BABAM2: variants seen among roughly 807,000 people sequenced by gnomAD.
BABAM2 encodes BRISC and BRCA1 A complex member 2, also known as BRISC and BRCA1-A complex member 2.
Under a neutral mutation model 54.7 loss-of-function variants are expected in BABAM2, and 31 were observed. The observed-to-expected ratio is 0.57, with a 90% confidence interval of 0.43 to 0.77. The LOEUF is 0.77. BABAM2 is among the 30% of genes least tolerant of loss of function. The pLI, the probability that BABAM2 is intolerant of heterozygous loss-of-function variation, is 0.00. For missense variants in BABAM2, 364 were observed against 455.8 expected (o/e 0.80, Z 1.83); for synonymous variants, 167 against 162.9 (o/e 1.03, Z -0.19).
intron 7 of BABAM2, among the ~76,000 whole-genome samples, chr2:28,216,190 G>C (rs1679903538): frequency 6.6e-6 from 1 of 152,040 alleles, no homozygotes; most frequent in Non-Finnish European, 1.5e-5. Flanking sequence ...TATTTTAAAA[G>C]AACTTATTTC....
chr2:28,127,477 T>C (rs1055766486), intron 6 of BABAM2, among the ~76,000 whole-genome samples: 2 of 152,032 alleles, frequency 1.3e-5, no homozygotes, highest in African/African-American at 4.8e-5. Flanking sequence ...TGTGTAGATA[T>C]CTCTTCCAAG....
chr2:28,064,903 C>T lies in BABAM2; in HGVS notation c.570+19104C>T, dbSNP rs554105427. On this transcript the variant is annotated intron_variant, in intron 6 of 11. Coordinates refer to ENST00000379624, the MANE Select transcript of BABAM2 (RefSeq NM_199191.3). Reference sequence around the variant, plus strand: ...CTGTAATCCCAGCTACTCGGGAGGCCGAGGCAGGAGAAATGCTTGAACCTG... The same window carrying T: ...CTGTAATCCCAGCTACTCGGGAGGCTGAGGCAGGAGAAATGCTTGAACCTG... Among the ~76,000 whole-genome samples the T allele has an allele frequency of 5.3e-5, 8 of 151,256 alleles. No individual in the cohort carries two copies. In the East Asian group the frequency reaches 1.6e-3, roughly 29 times the overall value.
intron 7 of BABAM2, among the ~76,000 whole-genome samples, chr2:28,157,103 T>C (rs1672615461): frequency 6.6e-6 from 1 of 152,244 alleles, no homozygotes; most frequent in South Asian, 2.1e-4. Context: ...AATTTCCCAG[T>C]TATTTACCTG....
At chr2:27,956,902 A>T (rs547428691) in intron 3 of BABAM2, among the ~76,000 whole-genome samples, 1 of 152,348 alleles carries the variant, frequency 6.6e-6, no homozygotes, top group East Asian at 1.9e-4. Flanking sequence ...AGCAAAAGAT[A>T]AATTTAATTT....
At chr2:28,298,515 C>T (rs770098555) in intron 11 of BABAM2, 24 bp downstream of exon 11, 1 of 1,613,834 alleles carries the variant, frequency 6.2e-7, no homozygotes, top group Non-Finnish European at 8.5e-7. Flanking sequence ...TCGTTATTTC[C>T]AACAGGTAAG....
At chr2:28,258,932 A>T (rs1462288202) in intron 10 of BABAM2, among the ~76,000 whole-genome samples, 3 of 149,404 alleles carry the variant, frequency 2.0e-5, no homozygotes, top group Admixed American at 6.7e-5. Flanking sequence ...ACACGCCACC[A>T]CCCCCAGCTA....
intron 9 of BABAM2, among the ~76,000 whole-genome samples, chr2:28,244,090 G>A (rs1346361322): frequency 6.6e-6 from 1 of 152,102 alleles, no homozygotes; most frequent in Non-Finnish European, 1.5e-5. Flanking sequence ...AGAGGTCAGG[G>A]GATGTTTTCT....
Position 28,304,483 on chromosome 2 carries a change from A to AT in BABAM2, c.1088+5997dup, listed in dbSNP as rs1688356711. 1.3e-5 allele frequency among the ~76,000 whole-genome samples: 2 copies of AT among 151,654 alleles called. No homozygotes were observed. The highest frequency in any genetic ancestry group is 4.8e-5 in the African/African-American group (2 of 41,382). On this transcript the variant is annotated intron_variant, in intron 11 of 11. Transcript: ENST00000379624. The surrounding 1 kb of genome is among the most constrained non-coding windows in gnomAD (Gnocchi z 4.0). ...TTGCTGGTATACAGGAATACAAATGATTTTTCTATACTGACATGGCATCCT... is the reference window on the plus strand; with the variant it reads ...TTGCTGGTATACAGGAATACAAATGATTTTTTCTATACTGACATGGCATCCT...
intron 4 of BABAM2, among the ~76,000 whole-genome samples, chr2:28,022,422 A>G (rs1675340890): frequency 6.6e-6 from 1 of 152,218 alleles, no homozygotes; most frequent in African/African-American, 2.4e-5. Context: ...ACTAGTCTTT[A>G]AAAAGAATTG....
intron 2 of BABAM2, among the ~76,000 whole-genome samples, chr2:27,919,109 T>C (rs1224297188): frequency 6.6e-6 from 1 of 152,230 alleles, no homozygotes; most frequent in Non-Finnish European, 1.5e-5. Context: ...AACATTTATT[T>C]CTATATATTT....
intron 6 of BABAM2, among the ~76,000 whole-genome samples, chr2:28,096,519 T>C (rs1666639822): frequency 6.6e-6 from 1 of 151,980 alleles, no homozygotes; most frequent in Non-Finnish European, 1.5e-5. Flanking sequence ...TTGAAGCAAA[T>C]AATTACCAAA....
chr2:27,945,885 A>G (rs1014201147), intron 3 of BABAM2, among the ~76,000 whole-genome samples: 7 of 151,566 alleles, frequency 4.6e-5, no homozygotes, highest in African/African-American at 1.2e-4. Flanking sequence ...TGATGCTGCT[A>G]TGTCCCTAAA....
In BABAM2 at chr2:28,087,850, A is replaced by G. The variant is rs867962080; in HGVS notation, c.571-41421A>G. ...TTTTTAGTAGAGACAGGGTTTCACC[A>G]TGTTGGCCAGGCTGGTCTCAAACTT... On this transcript the variant is annotated intron_variant, in intron 6 of 11. Coordinates refer to ENST00000379624, the MANE Select transcript of BABAM2 (RefSeq NM_199191.3). 3.7e-4 allele frequency among the ~76,000 whole-genome samples: 56 copies of G among 152,092 alleles called. No homozygotes were observed. The Middle Eastern group carries it at 0.01, about 28-fold the overall frequency.
At chr2:27,983,435 A>G (rs1443363731) in intron 3 of BABAM2, among the ~76,000 whole-genome samples, 1 of 152,094 alleles carries the variant, frequency 6.6e-6, no homozygotes, top group African/African-American at 2.4e-5. Flanking sequence ...TTCTTTGGCT[A>G]TTTGCATCCC....
intron 6 of BABAM2, among the ~76,000 whole-genome samples, chr2:28,071,033 G>A (rs945329531): frequency 1.3e-5 from 2 of 151,982 alleles, no homozygotes; most frequent in East Asian, 3.9e-4. Context: ...TATTAAATGA[G>A]AATAAGATCT....
intron 3 of BABAM2, among the ~76,000 whole-genome samples, chr2:27,974,484 A>G (rs910618996): frequency 1.3e-5 from 2 of 152,152 alleles, no homozygotes; most frequent in Non-Finnish European, 2.9e-5. Context: ...CTCCATATTA[A>G]CAGACTAATA....
intron 5 of BABAM2, among the ~76,000 whole-genome samples, chr2:28,035,536 T>A (rs867168410): frequency 2.0e-5 from 3 of 152,158 alleles, no homozygotes; most frequent in African/African-American, 7.2e-5. Context: ...AGTGTGGCGG[T>A]CAGATATGCT....
chr2:28,079,414 C>A (rs187709621), intron 6 of BABAM2, among the ~76,000 whole-genome samples: 2 of 152,106 alleles, frequency 1.3e-5, no homozygotes, highest in African/African-American at 4.8e-5. Context: ...ACTCCAATGA[C>A]AGTGTTTATT....
chr2:28,263,736 C>T (rs1322465789), intron 10 of BABAM2, among the ~76,000 whole-genome samples: 2 of 152,192 alleles, frequency 1.3e-5, no homozygotes, highest in Admixed American at 6.5e-5. Flanking sequence ...CCTCAGAGCA[C>T]GTGGTGGGTA....
Sources: allele counts gnomAD v4.1 joint callset (sites outside exome capture counted in the v4.1 genomes callset), GRCh38; gene constraint gnomAD v4.1.1; non-coding constraint Gnocchi (gnomAD v3.1); transcripts MANE v1.5; gene names NCBI Gene and HGNC (gene_info 2026-07-23, HGNC 2026-07-21).